WDR44: variants seen among roughly 807,000 people sequenced by gnomAD.
WDR44 encodes the protein WD repeat-containing protein 44.
WDR44 carries 9 observed loss-of-function variants against 65.7 expected under a neutral mutation model. The observed-to-expected ratio is 0.14, with a 90% CI of 0.08 to 0.24. WDR44 has a LOEUF of 0.24. Ranked by LOEUF, WDR44 falls within the 10% of genes least tolerant of loss-of-function variation. The pLI, the probability that WDR44 is intolerant of heterozygous loss-of-function variation, is 1.00. For missense variants in WDR44, 425 were observed against 670.9 expected (o/e 0.63, Z 4.05); for synonymous variants, 220 against 235.2 (o/e 0.94, Z 0.59).
chrX:118,401,827 C>A (rs1057389781), intron 8 of WDR44, among the ~76,000 whole-genome samples: 1 of 104,628 alleles, frequency 9.6e-6, no homozygotes, highest in African/African-American at 3.6e-5. Context: ...ATCTTTAATC[C>A]ATCTTGAATT....
chrX:118,414,698 A>G (rs144097723), intron 12 of WDR44, among the ~76,000 whole-genome samples: 331 of 112,020 alleles, frequency 3.0e-3, no homozygotes, highest in South Asian at 5.5e-3. Context: ...GTTGGTGTAT[A>G]CAAGAGCTAC....
chrX:118,434,325 A>C (rs764011076), intron 13 of WDR44, among the ~76,000 whole-genome samples: 4 of 111,332 alleles, frequency 3.6e-5, no homozygotes, highest in Non-Finnish European at 5.7e-5. Flanking sequence ...AATATAGAAT[A>C]CCAGTCTGTG....
chrX:118,371,952 T>C (rs1424561963), intron 1 of WDR44, among the ~76,000 whole-genome samples: 2 of 109,976 alleles, frequency 1.8e-5, no homozygotes, highest in Admixed American at 2.0e-4. Context: ...TTAGTATCTA[T>C]AGAATATTTT....
At chrX:118,354,523 A>C (rs1025615159) in intron 1 of WDR44, among the ~76,000 whole-genome samples, 47 of 111,341 alleles carry the variant, frequency 4.2e-4, no homozygotes, top group African/African-American at 1.4e-3. Flanking sequence ...CAGAGTCCTG[A>C]TCTTTAAAAT....
intron 2 of WDR44, among the ~76,000 whole-genome samples, chrX:118,383,539 T>C (rs2056737461): frequency 8.9e-6 from 1 of 112,015 alleles, no homozygotes; most frequent in Non-Finnish European, 1.9e-5. Flanking sequence ...TGCTTCTGAT[T>C]TTCCTACTGA....
At chrX:118,414,670 A>G (rs1311639060) in intron 12 of WDR44, among the ~76,000 whole-genome samples, 2 of 111,352 alleles carry the variant, frequency 1.8e-5, no homozygotes, top group African/African-American at 3.3e-5. Flanking sequence ...TATCGATTTG[A>G]TTCTTCGCTT....
At chrX:118,354,653 A>G (rs1261777739) in intron 1 of WDR44, among the ~76,000 whole-genome samples, 1 of 111,157 alleles carries the variant, frequency 9.0e-6, no homozygotes, top group Non-Finnish European at 1.9e-5. Context: ...TCTGGGGTAC[A>G]TGTGCAGAAC....
chrX:118,384,920 G>T (rs896411689), intron 2 of WDR44, among the ~76,000 whole-genome samples: 11 of 111,022 alleles, frequency 9.9e-5, no homozygotes, highest in Non-Finnish European at 1.7e-4. Flanking sequence ...TTTTCTTTTC[G>T]TGGCAATTGC....
chrX:118,382,875 G>A (rs2056732314), intron 2 of WDR44, among the ~76,000 whole-genome samples: 1 of 111,790 alleles, frequency 8.9e-6, no homozygotes, highest in African/African-American at 3.2e-5. Context: ...GATTTAGTAA[G>A]TACTGCATTT....
intron 1 of WDR44, among the ~76,000 whole-genome samples, chrX:118,369,614 GCC>G (rs1283941651): frequency 6.7e-5 from 7 of 104,907 alleles, no homozygotes; most frequent in African/African-American, 2.1e-4. Flanking sequence ...GGCTACAGGC[GCC>G]CACCACCACG....
At chrX:118,414,067 A>G (rs5956980) in intron 12 of WDR44, among the ~76,000 whole-genome samples, 29,287 of 109,800 alleles carry the variant, frequency 0.27, 3,189 homozygotes, top group African/African-American at 0.39. Flanking sequence ...CCAGTACCAT[A>G]CTGTCTTGGT....
intron 1 of WDR44, among the ~76,000 whole-genome samples, chrX:118,372,883 G>T (rs1173863627): frequency 8.9e-6 from 1 of 111,970 alleles, no homozygotes; most frequent in African/African-American, 3.3e-5. Flanking sequence ...GAGGTCAGGA[G>T]GTTGAGACCA....
rs1569362857 is a variant in WDR44, at chrX:118,378,736, T to TGTGTGTGTGTGTGTGTGTGTG, written c.111+285_111+286insTGTGTGTGTGTGTGTGTGTGG. On this transcript the variant is annotated intron_variant, in intron 2 of 19. Transcript: ENST00000254029. ...TGTGTGTGTGTGTGTGTGTGTGTGT[T>TGTGTGTGTGTGTGTGTGTGTG]GAAAAAGTGATACTTGGCCAGGCAT... Among the ~76,000 whole-genome samples, 138 of 61,034 alleles carry TGTGTGTGTGTGTGTGTGTGTG rather than the reference T, an allele frequency of 2.3e-3. 1 individual carries two copies. Among genetic ancestry groups the TGTGTGTGTGTGTGTGTGTGTG allele is most frequent in the African/African-American group, 0.02 (135 of 6,847 alleles). 53.0% of individuals were successfully genotyped at this position (61,034 alleles called of 115,157 possible).
chrX:118,368,477 A>G (rs1366820251), intron 1 of WDR44, among the ~76,000 whole-genome samples: 4 of 98,154 alleles, frequency 4.1e-5, no homozygotes, highest in Non-Finnish European at 7.9e-5. Context: ...ATATATATAT[A>G]TATACTTCTT....
chrX:118,446,599 ATTT>A (rs1288241140), intron 19 of WDR44, among the ~76,000 whole-genome samples: 20 of 111,318 alleles, frequency 1.8e-4, no homozygotes, highest in Admixed American at 9.6e-4. Flanking sequence ...ATCTCAAGTA[ATTT>A]TTTTGTAGTA....
intron 1 of WDR44, among the ~76,000 whole-genome samples, chrX:118,353,583 T>G (rs190791300): frequency 7.8e-4 from 88 of 112,249 alleles, no homozygotes; most frequent in African/African-American, 2.1e-3. Flanking sequence ...ATTTTAAACA[T>G]ATATAATTTA....
chrX:118,428,138 A>G (rs191638888), intron 12 of WDR44, among the ~76,000 whole-genome samples: 3 of 109,765 alleles, frequency 2.7e-5, no homozygotes, highest in Admixed American at 9.8e-5. Flanking sequence ...AAATACAAAA[A>G]GTAGCCAGGT....
intron 8 of WDR44, 50 bp from the exon 9 acceptor site, chrX:118,404,288 A>G (rs898164402): frequency 2.1e-6 from 2 of 939,618 alleles, no homozygotes; most frequent in Middle Eastern, 2.9e-4. Flanking sequence ...TCTGCAAATT[A>G]TTGGACTTTT....
At chrX:118,349,215 T>C (rs2056380647) in intron 1 of WDR44, among the ~76,000 whole-genome samples, 1 of 110,988 alleles carries the variant, frequency 9.0e-6, no homozygotes, top group Non-Finnish European at 1.9e-5. Flanking sequence ...TTATTGATAT[T>C]TTAGGTCAGG....
Sources: gnomAD v4.1 joint callset for allele counts (sites outside exome capture counted in the v4.1 genomes callset) on GRCh38, gnomAD v4.1.1 for gene constraint, MANE v1.5 for transcripts, NCBI Gene and HGNC (gene_info 2026-07-23, HGNC 2026-07-21) for gene names.